The following KRTAP4-16 variants were observed in gnomAD, a reference collection of about 807,000 sequenced individuals.
KRTAP4-16 encodes keratin-associated protein 4-16.
For synonymous variants in KRTAP4-16, 140 were observed against 88.8 expected, an observed-to-expected ratio of 1.58 and a Z score of -3.24; for missense variants, 378 against 233.5, an observed-to-expected ratio of 1.62 and a Z score of -4.03.
chr17:41,101,790 G>A (rs748719196), exon 1 of KRTAP4-16: 71 of 1,557,452 alleles, frequency 4.6e-5, no homozygotes, highest in Non-Finnish European at 5.4e-5. Context: ...AGCAAGTGAC[G>A]TGGCAGGAGA....
chr17:41,101,693 C>CGGGTGGGGAAGGGAGGGGAAG (rs1212235010), exon 1 of KRTAP4-16: 2 of 720,974 alleles, frequency 2.8e-6, no homozygotes, highest in African/African-American at 4.1e-5. Context: ...GGGAGGGGAA[C>CGGGTGGGGAAGGGAGGGGAAG]GGGTGGGGAA....
At chr17:41,101,890 C>G in exon 1 of KRTAP4-16, 1 of 1,610,704 alleles carries the variant, frequency 6.2e-7, no homozygotes, top group Non-Finnish European at 8.5e-7. Flanking sequence ...GATGCAGCAG[C>G]TGGGGTGGCA....
chr17:41,102,164 A>T, exon 1 of KRTAP4-16: 3 of 1,444,574 alleles, frequency 2.1e-6, no homozygotes, highest in Non-Finnish European at 2.9e-6. Context: ...CTGGCAGCAC[A>T]CAGACTGGAA....
At chr17:41,101,712 G>T in exon 1 of KRTAP4-16, 1 of 978,118 alleles carries the variant, frequency 1.0e-6, no homozygotes, top group Non-Finnish European at 1.5e-6. Flanking sequence ...AAGGGAAGGG[G>T]AGGGGAAGGG....
chr17:41,101,784 A>T (rs780339231), exon 1 of KRTAP4-16: 3 of 1,550,548 alleles, frequency 1.9e-6, no homozygotes. Flanking sequence ...GGTGATAGCA[A>T]GTGACGTGGC....
chr17:41,101,841 G>A lies in KRTAP4-16; in HGVS notation c.369C>T (p.Cys123=), dbSNP rs2013990670. 3 of 1,599,216 alleles carry A rather than the reference G, an allele frequency of 1.9e-6. No homozygotes were observed. The Admixed American group carries it at 5.3e-5, about 28-fold the overall frequency. Residue 123 remains cysteine, a synonymous_variant, in exon 1 of 1, where the codon TGC becomes TGT. Transcript: ENST00000440582. ...GACGCAGGCAGCAGCAGGGGCAGCA[G>A]CAGCTCGATTCACAGCAAGAGGGGC...
At position 41,101,922 on chromosome 17, in the gene KRTAP4-16, G is replaced by A. The variant is rs763855933; in HGVS notation, c.288C>T (p.Ser96=). 433 of 1,610,526 alleles carry A rather than the reference G, an allele frequency of 2.7e-4. 1 individual carries two copies. The highest frequency in any genetic ancestry group is 7.0e-4 in the South Asian group (64 of 90,918). Residue 96 remains serine (S), a synonymous_variant, in exon 1 of 1, where the codon TCC becomes TCT. Coordinates refer to ENST00000440582, the Ensembl canonical transcript of KRTAP4-16. Reference sequence around the variant, plus strand: ...GGCAGCAGGTGGGCTGGAAGCACACGGAATGGCAGCACTGGGGTCTGCAGC... The same window carrying A: ...GGCAGCAGGTGGGCTGGAAGCACACAGAATGGCAGCACTGGGGTCTGCAGC...
exon 1 of KRTAP4-16, chr17:41,101,865 G>A (rs1426766107): frequency 2.5e-6 from 4 of 1,607,234 alleles, no homozygotes; most frequent in African/African-American, 1.3e-5. Context: ...AGCAAGAGGG[G>A]CAGCAGCTGC....
chr17:41,101,703 A>AGGGAG, the KRTAP4-16 span: 31 of 645,170 alleles, frequency 4.8e-5, no homozygotes, highest in African/African-American at 3.1e-4. Flanking sequence ...CGGGTGGGGA[A>AGGGAG]GGGAAGGGGA....
exon 1 of KRTAP4-16, chr17:41,101,748 G>A: frequency 2.1e-6 from 3 of 1,424,660 alleles, no homozygotes; most frequent in Non-Finnish European, 2.9e-6. Context: ...ACAAGGGGTG[G>A]GGGCAGGTGG....
At chr17:41,101,884 C>A (rs2143880863) in exon 1 of KRTAP4-16, 1 of 1,610,220 alleles carries the variant, frequency 6.2e-7, no homozygotes, top group African/African-American at 1.3e-5. Context: ...GCTGGAGATG[C>A]AGCAGCTGGG....
In KRTAP4-16 at chr17:41,102,042, G is replaced by A. The variant is rs530160562; in HGVS notation, c.168C>T (p.Ser56=). The A allele has an allele frequency of 1.0e-5, 16 of 1,603,504 alleles. No homozygotes were observed. In the East Asian group the frequency reaches 1.1e-4, roughly 11 times the overall value. ...GGCAGCAGGTGGGCTGGCAGCACAC[G>A]GAATGGCAGCACTGGGGTCTGCAGC... Residue 56 remains serine, a synonymous_variant, in exon 1 of 1, where the codon TCC becomes TCT. Transcript: ENST00000440582.
exon 1 of KRTAP4-16, chr17:41,102,191 G>A (rs886878720): frequency 2.4e-6 from 3 of 1,262,210 alleles, no homozygotes; most frequent in Non-Finnish European, 3.5e-6. Flanking sequence ...GGGCTGCATG[G>A]CATCTTTGAA....
exon 1 of KRTAP4-16, chr17:41,101,966 T>G: frequency 6.2e-7 from 1 of 1,603,746 alleles, no homozygotes. Flanking sequence ...ACACAGCAGC[T>G]GGGGTGGCAG....
chr17:41,101,925 AT>A, the KRTAP4-16 span: 1 of 1,609,924 alleles, frequency 6.2e-7, no homozygotes, highest in African/African-American at 1.3e-5. Flanking sequence ...AGCACACGGA[AT>A]GGCAGCACTG....
chr17:41,101,954 A>T, exon 1 of KRTAP4-16: 1 of 1,604,002 alleles, frequency 6.2e-7, no homozygotes, highest in Non-Finnish European at 8.5e-7. Context: ...CAGCAGCTGG[A>T]CACACAGCAG....
exon 1 of KRTAP4-16, chr17:41,101,809 C>G: frequency 6.3e-7 from 1 of 1,577,332 alleles, no homozygotes; most frequent in Non-Finnish European, 8.6e-7. Context: ...GACTCGACCA[C>G]AGACTGGACG....
exon 1 of KRTAP4-16, chr17:41,101,721 G>C: frequency 8.2e-7 from 1 of 1,212,848 alleles, no homozygotes. Context: ...GGAGGGGAAG[G>C]GGAGGGGAGG....
chr17:41,102,199 G>C, the KRTAP4-16 span: 1 of 1,157,348 alleles, frequency 8.6e-7, no homozygotes, highest in Non-Finnish European at 1.3e-6. Context: ...TGGCATCTTT[G>C]AACTGCACAT....
Sources: allele counts gnomAD v4.1 joint callset, GRCh38; gene constraint gnomAD v4.1.1; transcripts MANE v1.5; gene names NCBI Gene and HGNC (gene_info 2026-07-23, HGNC 2026-07-21).